The following TGFA variants were observed in gnomAD, a reference collection of about 807,000 sequenced individuals.
TGFA encodes transforming growth factor alpha, also known as protransforming growth factor alpha.
TGFA carries 12 observed loss-of-function variants against 21.7 expected under a neutral mutation model. The ratio of observed to expected loss-of-function variants is 0.55; its 90% CI spans 0.35 to 0.90. The LOEUF is 0.90. Among genes scored for constraint, TGFA ranks in the 40% least tolerant of loss-of-function variants. The pLI, the probability that TGFA is intolerant of heterozygous loss-of-function variation, is 0.01. For synonymous variants in TGFA, 79 were observed against 88.1 expected (o/e 0.90, Z 0.58); for missense variants, 178 against 210.8 (o/e 0.84, Z 0.96).
chr2:70,469,864 A>C (rs554149652), intron 2 of TGFA, among the ~76,000 whole-genome samples: 15 of 152,280 alleles, frequency 9.9e-5, no homozygotes, highest in Admixed American at 5.2e-4. Context: ...GAAAACTTGG[A>C]ATCTGTTTTG....
chr2:70,491,058 C>G (rs1671418899), intron 2 of TGFA, among the ~76,000 whole-genome samples: 1 of 152,176 alleles, frequency 6.6e-6, no homozygotes, highest in Non-Finnish European at 1.5e-5. Context: ...GTAGTCCAAG[C>G]CCAGAGGCAG....
chr2:70,550,758 T>C (rs1309940018), intron 1 of TGFA, among the ~76,000 whole-genome samples: 1 of 152,090 alleles, frequency 6.6e-6, no homozygotes, highest in African/African-American at 2.4e-5. Context: ...GAGGCGGAGC[T>C]TGCAGTGAGC....
chr2:70,487,581 A>T (rs959245910), intron 2 of TGFA, among the ~76,000 whole-genome samples: 3 of 152,138 alleles, frequency 2.0e-5, no homozygotes, highest in Non-Finnish European at 4.4e-5. Flanking sequence ...AGAATTTTCC[A>T]TTTGTGGTGT....
intron 4 of TGFA, among the ~76,000 whole-genome samples, chr2:70,454,978 C>G (rs762318638): frequency 3.3e-5 from 5 of 152,218 alleles, no homozygotes; most frequent in Non-Finnish European, 5.9e-5. Context: ...GGGCAGCACA[C>G]ACAGCTACTG....
chr2:70,455,665 T>G (rs1553490350), intron 4 of TGFA, among the ~76,000 whole-genome samples: 2 of 152,226 alleles, frequency 1.3e-5, no homozygotes, highest in Admixed American at 6.5e-5. Flanking sequence ...AGGGAATAAA[T>G]CTGGCATAGT....
At chr2:70,553,291 G>T in intron 1 of TGFA, 5 of 1,533,260 alleles carry the variant, frequency 3.3e-6, no homozygotes, top group South Asian at 2.4e-5. Context: ...CCAAAGGGGC[G>T]CAGGCAAGAC....
chr2:70,463,350 G>A (rs1559101289), intron 3 of TGFA, among the ~76,000 whole-genome samples: 1 of 152,172 alleles, frequency 6.6e-6, no homozygotes, highest in Non-Finnish European at 1.5e-5. Flanking sequence ...CAATCACCCT[G>A]ATTAGCAAAG....
At chr2:70,523,803 T>C (rs1183710624) in intron 1 of TGFA, among the ~76,000 whole-genome samples, 1 of 152,192 alleles carries the variant, frequency 6.6e-6, no homozygotes. Flanking sequence ...AATGAGAATA[T>C]TGGCAAACTG....
intron 1 of TGFA, among the ~76,000 whole-genome samples, chr2:70,551,498 A>G (rs782533024): frequency 6.6e-6 from 1 of 152,208 alleles, no homozygotes; most frequent in South Asian, 2.1e-4. Context: ...GATCTCGGGT[A>G]GCGATGGAAC....
chr2:70,464,467 A>G (rs904363768), intron 3 of TGFA, among the ~76,000 whole-genome samples: 5 of 152,148 alleles, frequency 3.3e-5, no homozygotes, highest in African/African-American at 7.2e-5. Context: ...CTGGGGGGCA[A>G]TTTTGCCCTG....
chr2:70,515,669 C>G (rs1307129344), intron 1 of TGFA, among the ~76,000 whole-genome samples: 1 of 152,168 alleles, frequency 6.6e-6, no homozygotes, highest in Admixed American at 6.5e-5. Flanking sequence ...TAGTTGCCCA[C>G]TGAAGATGCC....
intron 1 of TGFA, among the ~76,000 whole-genome samples, chr2:70,550,184 T>C (rs939814686): frequency 6.6e-6 from 1 of 152,252 alleles, no homozygotes; most frequent in Non-Finnish European, 1.5e-5. Context: ...GGTCCTTACT[T>C]ACGGGAGTTG....
chr2:70,538,061 A>G (rs1174151540), intron 1 of TGFA, among the ~76,000 whole-genome samples: 4 of 152,184 alleles, frequency 2.6e-5, no homozygotes, highest in Admixed American at 2.0e-4. Flanking sequence ...TCCTTATGCT[A>G]TATCTACTCT....
intron 2 of TGFA, among the ~76,000 whole-genome samples, chr2:70,480,806 T>G (rs1553495345): frequency 6.7e-6 from 1 of 148,756 alleles, no homozygotes; most frequent in East Asian, 2.1e-4. Context: ...CCCCCAGAGC[T>G]GCAACCCCCC....
intron 1 of TGFA, among the ~76,000 whole-genome samples, chr2:70,528,437 G>A (rs568352431): frequency 1.0e-4 from 15 of 143,938 alleles, no homozygotes; most frequent in East Asian, 2.2e-4. Flanking sequence ...AGAGGAGGCC[G>A]AGAAAAACAA....
At chr2:70,467,251 G>A (rs1553492471) in intron 2 of TGFA, 1 of 152,098 alleles carries the variant, frequency 6.6e-6, no homozygotes, top group Non-Finnish European at 1.5e-5. Context: ...CCATATGAGA[G>A]CAGCACAGTC....
chr2:70,475,331 A>G (rs1386848195), intron 2 of TGFA, among the ~76,000 whole-genome samples: 1 of 152,168 alleles, frequency 6.6e-6, no homozygotes, highest in African/African-American at 2.4e-5. Flanking sequence ...TTTAATCCCC[A>G]CAAAAATCTT....
intron 2 of TGFA, among the ~76,000 whole-genome samples, chr2:70,485,999 C>A (rs1333196607): frequency 6.6e-6 from 1 of 152,172 alleles, no homozygotes; most frequent in Non-Finnish European, 1.5e-5. Context: ...AAATGCCAAG[C>A]TGATAGTATT....
intron 1 of TGFA, among the ~76,000 whole-genome samples, chr2:70,534,116 T>G (rs1672902458): frequency 6.6e-6 from 1 of 152,234 alleles, no homozygotes; most frequent in Non-Finnish European, 1.5e-5. Context: ...CCAAAAATGC[T>G]GCCAGCTGAA....
Sources: allele counts gnomAD v4.1 joint callset (sites outside exome capture counted in the v4.1 genomes callset), GRCh38; gene constraint gnomAD v4.1.1; transcripts MANE v1.5; gene names NCBI Gene and HGNC (gene_info 2026-07-23, HGNC 2026-07-21).